The following LARS1 variants were observed in gnomAD, a reference collection of about 807,000 sequenced individuals.
LARS1 encodes the protein leucine--tRNA ligase, cytoplasmic.
A neutral mutation model predicts 162.8 loss-of-function variants in LARS1; 100 were observed. The observed-to-expected ratio is 0.61, with a 90% CI of 0.52 to 0.73. LARS1 has a LOEUF of 0.73. LARS1 is among the 30% of genes least tolerant of loss of function. The pLI is 0.00. For synonymous variants in LARS1, 457 were observed against 462.8 expected (o/e 0.99, Z 0.16); for missense variants, 1,258 against 1,408.9 (o/e 0.89, Z 1.71).
intron 6 of LARS1, among the ~76,000 whole-genome samples, chr5:146,163,434 C>A (rs1043510793): frequency 6.6e-6 from 1 of 152,132 alleles, no homozygotes; most frequent in Admixed American, 6.5e-5. Flanking sequence ...GCCTATAATC[C>A]CAGCACTTTG....
intron 6 of LARS1, among the ~76,000 whole-genome samples, chr5:146,161,883 C>A (rs1753795761): frequency 6.6e-6 from 1 of 152,208 alleles, no homozygotes; most frequent in South Asian, 2.1e-4. Context: ...GAAGTAGACT[C>A]CATCTCAAGA....
chr5:146,133,091 G>A lies in LARS1; in HGVS notation c.2213-10C>T, dbSNP rs1561804333. On this transcript the variant is annotated splice_polypyrimidine_tract_variant and intron_variant, in intron 22 of 31. Coordinates refer to ENST00000394434, the MANE Select transcript of LARS1 (RefSeq NM_020117.11). ...AGAGCCAAACGCATTCCTGGAAGAA[G>A]AAAAAAAAATTCAATGCATTAAAAA... is the stretch of plus-strand genomic sequence containing the variant. The A allele has an allele frequency of 5.6e-6, 9 of 1,595,588 alleles. No individual in the cohort carries two copies. Among genetic ancestry groups the A allele is most frequent in the Admixed American group, 5.3e-5 (3 of 56,264 alleles).
intron 4 of LARS1, among the ~76,000 whole-genome samples, chr5:146,168,596 G>A (rs1754125663): frequency 6.6e-6 from 1 of 151,930 alleles, no homozygotes; most frequent in Non-Finnish European, 1.5e-5. Context: ...GAGGTGACAG[G>A]ATCACTTAAA....
At chr5:146,173,848 TTAAAC>T (rs1449834789) in intron 2 of LARS1, among the ~76,000 whole-genome samples, 3 of 152,132 alleles carry the variant, frequency 2.0e-5, no homozygotes, top group Admixed American at 1.3e-4. Context: ...GGCAGCACCC[TTAAAC>T]TATTTATCAT....
chr5:146,156,454 G>A (rs1753532707), intron 10 of LARS1, among the ~76,000 whole-genome samples: 1 of 152,154 alleles, frequency 6.6e-6, no homozygotes, highest in South Asian at 2.1e-4. Context: ...TGCACTTTGG[G>A]AGGCCGAGGT....
chr5:146,129,541 A>G (rs1454502840), intron 25 of LARS1, among the ~76,000 whole-genome samples: 1 of 152,220 alleles, frequency 6.6e-6, no homozygotes, highest in Non-Finnish European at 1.5e-5. Flanking sequence ...TAAAAATACA[A>G]AAGAGCCTAG....
chr5:146,177,263 G>A (rs1263614410), intron 2 of LARS1, among the ~76,000 whole-genome samples: 1 of 151,422 alleles, frequency 6.6e-6, no homozygotes, highest in African/African-American at 2.4e-5. Flanking sequence ...TCAGAAGATC[G>A]AGACCACCCT....
intron 6 of LARS1, among the ~76,000 whole-genome samples, chr5:146,161,247 G>C (rs1319799053): frequency 1.3e-5 from 2 of 152,214 alleles, no homozygotes; most frequent in Non-Finnish European, 2.9e-5. Context: ...TGCTGGTGGA[G>C]AGTCTTGCCT....
chr5:146,168,932 G>A (rs1241584766), intron 4 of LARS1, among the ~76,000 whole-genome samples: 7 of 151,878 alleles, frequency 4.6e-5, no homozygotes, highest in African/African-American at 1.7e-4. Flanking sequence ...TCAGGAGGGG[G>A]GAGGGATAGC....
chr5:146,115,705 A>G (rs1484918670), intron 31 of LARS1, among the ~76,000 whole-genome samples: 2 of 151,942 alleles, frequency 1.3e-5, no homozygotes, highest in African/African-American at 4.8e-5. Flanking sequence ...AGACTTCCCA[A>G]CATCAAATGG....
intron 28 of LARS1, among the ~76,000 whole-genome samples, 177 bp from the exon 29 acceptor site, chr5:146,124,263 A>C (rs1751954292): frequency 6.6e-6 from 1 of 151,966 alleles, no homozygotes; most frequent in Non-Finnish European, 1.5e-5. Flanking sequence ...AATGAAATTT[A>C]CTAGCTCCAA....
rs371218055 is a variant in LARS1, at chr5:146,139,040, G to GAAAA, written c.2148+1160_2148+1163dup. The GAAAA allele has an allele frequency of 1.0e-2, 2,042 of 204,632 alleles. 14 individuals are homozygous for GAAAA. Among genetic ancestry groups the GAAAA allele is most frequent in the East Asian group, 0.042 (273 of 6,504 alleles). 12.7% of individuals were successfully genotyped at this position (204,632 alleles called of 1,614,324 possible). ...GAAAAGTCAATAAAAGTGGATTTGT[G>GAAAA]AAAAAAAAAAAAAAAAAAATGGCCG... On this transcript the variant is annotated intron_variant, in intron 21 of 31. Coordinates refer to ENST00000394434, the MANE Select transcript of LARS1 (RefSeq NM_020117.11).
chr5:146,167,612 T>C (rs1178093649), intron 5 of LARS1, among the ~76,000 whole-genome samples: 1 of 151,964 alleles, frequency 6.6e-6, no homozygotes, highest in Non-Finnish European at 1.5e-5. Flanking sequence ...GCCAGGATGG[T>C]CTCGATCTCC....
In LARS1 at chr5:146,182,250, G is replaced by T. The variant is rs1001380243; in HGVS notation, c.6+238C>A. 21 of 575,168 alleles carry T rather than the reference G, an allele frequency of 3.7e-5. No individual in the cohort carries two copies. The African/African-American group carries it at 3.9e-4, about 11-fold the overall frequency. The allele number at this position is 575,168 out of a possible 1,614,324, so 35.6% of individuals were successfully genotyped here. The stretch of plus-strand genomic sequence containing the variant: ...GCCACCGTGCCCGGCTCTCCACCTC[G>T]ATTTTAGAAACTCCAGAGAAATAAC... On this transcript the variant is annotated intron_variant, in intron 1 of 31. Transcript: ENST00000394434.
Position 146,142,925 on chromosome 5 carries a change from T to C in LARS1, c.2037A>G (p.Pro679=). ...TATAAAGGTAATATGAAAGATGATT[T>C]GGAACAAGATCCTTGCCAGAGACGC... ...DLRVSGKDLV[P]NHLSYYLYNH... Residue 679 remains proline, a synonymous_variant, in exon 20 of 32, where the codon CCA becomes CCG. Transcript: ENST00000394434. 1 of 1,614,064 alleles carries C rather than the reference T, an allele frequency of 6.2e-7. No individual in the cohort carries two copies.
intron 10 of LARS1, among the ~76,000 whole-genome samples, chr5:146,154,245 T>C (rs555229759): frequency 5.9e-4 from 90 of 152,232 alleles, no homozygotes; most frequent in Non-Finnish European, 1.0e-3. Flanking sequence ...GGTGCTATCA[T>C]AGCATTCTAC....
Position 146,114,062 on chromosome 5 carries a change from T to G in LARS1, c.*44A>C. 1 of 1,419,912 alleles carries G rather than the reference T, an allele frequency of 7.0e-7. No homozygotes were observed. Among genetic ancestry groups the G allele is most frequent in the Non-Finnish European group, 1.0e-6 (1 of 1,004,934 alleles). 88.0% of individuals were successfully genotyped at this position (1,419,912 alleles called of 1,614,324 possible). On this transcript the variant is annotated 3_prime_UTR_variant, in exon 32 of 32. Transcript: ENST00000394434. ...CAATCAGTAGACACAATCAGAGTAGTAGTATTCCTAAGAAACCAGGATAAA... is the reference window on the plus strand; with the variant it reads ...CAATCAGTAGACACAATCAGAGTAGGAGTATTCCTAAGAAACCAGGATAAA...
At chr5:146,124,146 C>G (rs1371745454) in intron 28 of LARS1, 60 bp from the exon 29 acceptor site, 2 of 996,560 alleles carry the variant, frequency 2.0e-6, no homozygotes, top group Admixed American at 3.4e-5. Flanking sequence ...GGAAAACATA[C>G]TTCCTCCAAA....
intron 21 of LARS1, chr5:146,139,039 T>TAA: frequency 1.3e-5 from 2 of 151,286 alleles, no homozygotes; most frequent in Non-Finnish European, 2.5e-5. Flanking sequence ...AGTGGATTTG[T>TAA]GAAAAAAAAA....
Sources: allele counts gnomAD v4.1 joint callset (sites outside exome capture counted in the v4.1 genomes callset), GRCh38; gene constraint gnomAD v4.1.1; transcripts MANE v1.5; gene names NCBI Gene and HGNC (gene_info 2026-07-23, HGNC 2026-07-21).